Variants in LRP1B observed in about 807,000 individuals in gnomAD.
LRP1B encodes the protein low-density lipoprotein receptor-related protein 1B.
LRP1B carries 217 observed loss-of-function variants against 556.6 expected under a neutral mutation model. The observed-to-expected ratio is 0.39, with a 90% CI of 0.35 to 0.44. The LOEUF (loss-of-function observed/expected upper bound fraction) is 0.44. Ranked by LOEUF, LRP1B falls within the 20% of genes least tolerant of loss-of-function variation. LRP1B has a pLI of 1.00. For missense variants in LRP1B, 5,053 were observed against 5,620.8 expected (o/e 0.90, Z 3.23); for synonymous variants, 2,047 against 1,865.8 (o/e 1.10, Z -2.50).
chr2:140,345,837 T>C (rs201342200), intron 77 of LRP1B, among the ~76,000 whole-genome samples: 3 of 138,784 alleles, frequency 2.2e-5, no homozygotes, highest in South Asian at 2.1e-4. Context: ...CATATATATA[T>C]ACACATACAC....
At chr2:140,852,046 G>A (rs145110253) in intron 27 of LRP1B, among the ~76,000 whole-genome samples, 1 of 152,286 alleles carries the variant, frequency 6.6e-6, no homozygotes, top group Non-Finnish European at 1.5e-5. Context: ...TCGAGGTAGT[G>A]GCCGGATGTG....
chr2:140,512,483 C>CT (rs1558933890), intron 51 of LRP1B, among the ~76,000 whole-genome samples: 1 of 152,038 alleles, frequency 6.6e-6, no homozygotes. Flanking sequence ...TCTTGCACAC[C>CT]AACTCGGATA....
intron 6 of LRP1B, among the ~76,000 whole-genome samples, chr2:141,210,018 T>C (rs1206855061): frequency 6.6e-6 from 1 of 150,998 alleles, no homozygotes; most frequent in Non-Finnish European, 1.5e-5. Flanking sequence ...GTAGGGGAAA[T>C]ACAAAGCCCA....
intron 2 of LRP1B, among the ~76,000 whole-genome samples, chr2:141,588,891 T>C (rs1687230596): frequency 1.3e-5 from 2 of 152,022 alleles, no homozygotes; most frequent in African/African-American, 2.4e-5. Context: ...TAAACAGGGG[T>C]CAAGACAAAA....
chr2:142,096,114 T>C (rs997777520), intron 1 of LRP1B, among the ~76,000 whole-genome samples: 1 of 151,756 alleles, frequency 6.6e-6, no homozygotes, highest in Non-Finnish European at 1.5e-5. Context: ...CATCCTCTTT[T>C]GCAGAAGTTC....
intron 67 of LRP1B, among the ~76,000 whole-genome samples, chr2:140,382,913 CA>C (rs1171058559): frequency 2.0e-5 from 3 of 152,086 alleles, no homozygotes; most frequent in African/African-American, 4.8e-5. Context: ...TGTTGATAGG[CA>C]AATACATACC....
chr2:140,237,008 A>G (rs1488785893), intron 89 of LRP1B, among the ~76,000 whole-genome samples: 4 of 150,936 alleles, frequency 2.7e-5, no homozygotes, highest in Non-Finnish European at 5.9e-5. Flanking sequence ...ATACATAGTT[A>G]TTTTTTTGTG....
intron 2 of LRP1B, among the ~76,000 whole-genome samples, chr2:141,572,493 A>T (rs1182943115): frequency 6.6e-6 from 1 of 152,192 alleles, no homozygotes; most frequent in Non-Finnish European, 1.5e-5. Context: ...AATATAAAAG[A>T]TCAATGACAC....
At chr2:140,238,096 A>C in intron 89 of LRP1B, 56 bp downstream of exon 89, 2 of 1,466,886 alleles carry the variant, frequency 1.4e-6, no homozygotes, top group Non-Finnish European at 9.2e-7. Flanking sequence ...ACCATAAAAC[A>C]GAGATGCGAC....
intron 1 of LRP1B, among the ~76,000 whole-genome samples, chr2:142,121,906 A>T (rs1161251620): frequency 1.3e-5 from 2 of 152,148 alleles, no homozygotes; most frequent in Admixed American, 6.6e-5. Context: ...CAAGAAAAAA[A>T]AAATTTGAAT....
At chr2:140,982,102 G>C (rs1377386144) in intron 18 of LRP1B, 58 bp downstream of exon 18, 1 of 1,327,090 alleles carries the variant, frequency 7.5e-7, no homozygotes, top group Non-Finnish European at 1.1e-6. Flanking sequence ...AGGGTGTAGT[G>C]GTAGGGTATC....
intron 1 of LRP1B, among the ~76,000 whole-genome samples, chr2:142,084,066 G>A (rs528170839): frequency 3.3e-5 from 5 of 149,722 alleles, no homozygotes; most frequent in South Asian, 2.1e-4. Flanking sequence ...TGCAACCTCC[G>A]CCTCCTGGAT....
At chr2:141,962,319 G>A (rs980334267) in intron 1 of LRP1B, among the ~76,000 whole-genome samples, 2 of 151,726 alleles carry the variant, frequency 1.3e-5, no homozygotes, top group Non-Finnish European at 2.9e-5. Flanking sequence ...TCAAGATGCA[G>A]TTTAACAAAG....
At chr2:142,122,836 C>T (rs577490834) in intron 1 of LRP1B, among the ~76,000 whole-genome samples, 136 of 152,100 alleles carry the variant, frequency 8.9e-4, no homozygotes, top group Non-Finnish European at 1.8e-3. Context: ...AGCACACTTG[C>T]TATTCTAACA....
At chr2:141,457,508 G>A (rs935189623) in intron 3 of LRP1B, among the ~76,000 whole-genome samples, 1 of 152,038 alleles carries the variant, frequency 6.6e-6, no homozygotes, top group African/African-American at 2.4e-5. Flanking sequence ...CTAGGTGATG[G>A]GTTGATAGAT....
chr2:140,327,889 A>G (rs1036023231), intron 79 of LRP1B, among the ~76,000 whole-genome samples: 3 of 152,146 alleles, frequency 2.0e-5, no homozygotes, highest in African/African-American at 7.2e-5. Context: ...TAAAAATTAT[A>G]TAACAAAGTT....
At chr2:140,947,754 C>T (rs937481372) in intron 20 of LRP1B, among the ~76,000 whole-genome samples, 2 of 152,180 alleles carry the variant, frequency 1.3e-5, no homozygotes, top group Non-Finnish European at 2.9e-5. Flanking sequence ...CTTGTATTCA[C>T]CACGTAGAAT....
At chr2:141,137,331 G>A (rs1701516027) in intron 7 of LRP1B, among the ~76,000 whole-genome samples, 1 of 151,796 alleles carries the variant, frequency 6.6e-6, no homozygotes, top group Non-Finnish European at 1.5e-5. Flanking sequence ...CATCATTCCT[G>A]GAACACTAGC....
intron 1 of LRP1B, among the ~76,000 whole-genome samples, chr2:142,047,087 T>C (rs1365603625): frequency 2.6e-5 from 4 of 152,020 alleles, no homozygotes; most frequent in African/African-American, 9.7e-5. Context: ...TGTATGGAGA[T>C]GGATCCTTTT....
Sources: allele counts gnomAD v4.1 joint callset (sites outside exome capture counted in the v4.1 genomes callset), GRCh38; gene constraint gnomAD v4.1.1; transcripts MANE v1.5; gene names NCBI Gene and HGNC (gene_info 2026-07-23, HGNC 2026-07-21).